The following SHISA9 variants were observed in gnomAD, a reference collection of about 807,000 sequenced individuals.
SHISA9 encodes protein shisa-9.
A neutral mutation model predicts 38.0 loss-of-function variants in SHISA9; 13 were observed. That is an observed-to-expected ratio of 0.34 (90% CI 0.22 to 0.54). The LOEUF (loss-of-function observed/expected upper bound fraction) is 0.54, where lower values mean the gene tolerates loss of function less well. SHISA9 is among the 20% of genes least tolerant of loss of function. SHISA9 has a pLI of 0.91. For missense variants in SHISA9, 538 were observed against 575.8 expected (o/e 0.93, Z 0.67); for synonymous variants, 275 against 242.0 (o/e 1.14, Z -1.27).
the SHISA9 span, among the ~76,000 whole-genome samples, chr16:13,313,625 A>T: frequency 6.6e-6 from 1 of 152,354 alleles, no homozygotes; most frequent in East Asian, 1.9e-4. Context: ...ACTATTGAAA[A>T]GGAAACATTG....
the SHISA9 span, among the ~76,000 whole-genome samples, chr16:13,444,409 GAGGGAGGGAGGAAGGA>G: frequency 8.9e-6 from 1 of 112,420 alleles, no homozygotes; most frequent in African/African-American, 3.6e-5. Flanking sequence ...GGAAGGGAGG[GAGGGAGGGAGGAAGGA>G]AGGAAGGAAG....
the SHISA9 span, among the ~76,000 whole-genome samples, chr16:13,464,036 C>T: frequency 1.3e-5 from 2 of 152,212 alleles, no homozygotes; most frequent in African/African-American, 4.8e-5. Flanking sequence ...CCTCTTTTCT[C>T]CTCATTCCAC....
chr16:13,301,423 C>G, the SHISA9 span, among the ~76,000 whole-genome samples: 1 of 152,174 alleles, frequency 6.6e-6, no homozygotes, highest in Admixed American at 6.5e-5. Context: ...TGTTGCTGGC[C>G]TCAACACTGC....
chr16:13,402,342 T>G, the SHISA9 span, among the ~76,000 whole-genome samples: 1 of 151,966 alleles, frequency 6.6e-6, no homozygotes, highest in Non-Finnish European at 1.5e-5. Context: ...AGGCCACTGG[T>G]GTAAGTCCAA....
At chr16:13,427,002 T>G in the SHISA9 span, among the ~76,000 whole-genome samples, 1 of 152,218 alleles carries the variant, frequency 6.6e-6, no homozygotes, top group Non-Finnish European at 1.5e-5. Flanking sequence ...ATGCCGATTG[T>G]CTACTACAGT....
chr16:13,262,662 A>AAGGGAGGGAGGGAGGG, the SHISA9 span, among the ~76,000 whole-genome samples: 2 of 52,410 alleles, frequency 3.8e-5, no homozygotes, highest in Admixed American at 2.3e-4. Flanking sequence ...GGAAGGAAGG[A>AAGGGAGGGAGGGAGGG]AGGAAGGAAG....
chr16:13,358,442 C>G, the SHISA9 span, among the ~76,000 whole-genome samples: 3 of 152,132 alleles, frequency 2.0e-5, no homozygotes, highest in African/African-American at 7.2e-5. Context: ...TCCACGTGTT[C>G]TCTCTCATTT....
At chr16:13,404,517 G>T in the SHISA9 span, among the ~76,000 whole-genome samples, 1 of 152,132 alleles carries the variant, frequency 6.6e-6, no homozygotes, top group Non-Finnish European at 1.5e-5. Context: ...AAGGCCCTGT[G>T]GTAGAAAGTA....
chr16:13,440,955 C>T, the SHISA9 span, among the ~76,000 whole-genome samples: 2 of 151,820 alleles, frequency 1.3e-5, no homozygotes, highest in Non-Finnish European at 2.9e-5. Flanking sequence ...TTGATATATT[C>T]CAGATCCCGG....
At chr16:13,287,138 G>A in the SHISA9 span, among the ~76,000 whole-genome samples, 4 of 152,108 alleles carry the variant, frequency 2.6e-5, no homozygotes, top group African/African-American at 7.2e-5. Flanking sequence ...CTGTAACATG[G>A]CCCTACAATA....
At chr16:13,067,001 C>A (rs1486354650) in intron 2 of SHISA9, among the ~76,000 whole-genome samples, 1 of 152,114 alleles carries the variant, frequency 6.6e-6, no homozygotes, top group East Asian at 1.9e-4. Flanking sequence ...CATCAAGATC[C>A]CCTAGAGCTT....
chr16:13,540,863 A>G, the SHISA9 span, among the ~76,000 whole-genome samples: 1 of 152,170 alleles, frequency 6.6e-6, no homozygotes, highest in Non-Finnish European at 1.5e-5. Flanking sequence ...TTCTGCTGTT[A>G]CCAGCTTCTT....
chr16:13,322,859 C>G, the SHISA9 span, among the ~76,000 whole-genome samples: 4 of 152,156 alleles, frequency 2.6e-5, no homozygotes, highest in African/African-American at 4.8e-5. Flanking sequence ...TTAACTCCCA[C>G]ATTATGGTTG....
intron 4 of SHISA9, among the ~76,000 whole-genome samples, chr16:13,226,141 A>G (rs2051277242): frequency 6.6e-6 from 1 of 152,226 alleles, no homozygotes. Context: ...GCACAAAGCC[A>G]AGAGTGGCTA....
the SHISA9 span, among the ~76,000 whole-genome samples, chr16:13,478,747 A>G: frequency 6.6e-6 from 1 of 152,208 alleles, no homozygotes; most frequent in Non-Finnish European, 1.5e-5. Flanking sequence ...CTACATCGGT[A>G]CAGGCTAGAT....
At chr16:13,265,892 G>C in the SHISA9 span, among the ~76,000 whole-genome samples, 1 of 151,994 alleles carries the variant, frequency 6.6e-6, no homozygotes, top group Admixed American at 6.6e-5. Flanking sequence ...AAGTGTTCTG[G>C]GTATCAATTT....
At chr16:13,296,606 A>G in the SHISA9 span, among the ~76,000 whole-genome samples, 1 of 152,024 alleles carries the variant, frequency 6.6e-6, no homozygotes, top group African/African-American at 2.4e-5. Flanking sequence ...ACATTGCAAT[A>G]TTATTCCCTT....
chr16:13,410,193 G>A, the SHISA9 span, among the ~76,000 whole-genome samples: 1 of 152,192 alleles, frequency 6.6e-6, no homozygotes, highest in African/African-American at 2.4e-5. Context: ...TTTTTAGTAT[G>A]AAATTTGTTC....
chr16:13,142,022 C>T (rs534088695), intron 2 of SHISA9, among the ~76,000 whole-genome samples: 112 of 152,290 alleles, frequency 7.4e-4, no homozygotes, highest in Admixed American at 2.2e-3. Context: ...AGAAAGATTA[C>T]GCACTGCACA....
Sources: allele counts gnomAD v4.1 joint callset (sites outside exome capture counted in the v4.1 genomes callset), GRCh38; gene constraint gnomAD v4.1.1; transcripts MANE v1.5; gene names NCBI Gene and HGNC (gene_info 2026-07-23, HGNC 2026-07-21).